The following FSTL4 variants were observed in gnomAD, a reference collection of about 807,000 sequenced individuals.
FSTL4 encodes follistatin-related protein 4.
A neutral mutation model predicts 78.2 loss-of-function variants in FSTL4; 28 were observed. The ratio of observed to expected loss-of-function variants is 0.36; its 90% confidence interval spans 0.27 to 0.49. The LOEUF (loss-of-function observed/expected upper bound fraction) is 0.49, where lower values mean the gene tolerates loss of function less well. Among genes scored for constraint, FSTL4 ranks in the 20% least tolerant of loss-of-function variants. FSTL4 has a pLI of 0.98. For missense variants in FSTL4, 922 were observed against 1,084.9 expected (o/e 0.85, Z 2.11); for synonymous variants, 422 against 440.5 (o/e 0.96, Z 0.53).
chr5:133,641,514 T>C, the FSTL4 span, among the ~76,000 whole-genome samples: 1 of 151,776 alleles, frequency 6.6e-6, no homozygotes, highest in African/African-American at 2.4e-5. Context: ...TATGTTAGAT[T>C]TCAAATACCC....
intron 3 of FSTL4, among the ~76,000 whole-genome samples, chr5:133,510,806 T>A (rs1174145396): frequency 6.6e-6 from 1 of 151,938 alleles, no homozygotes; most frequent in Non-Finnish European, 1.5e-5. Flanking sequence ...GCAAAATGGA[T>A]CTGAGCGCAA....
the FSTL4 span, among the ~76,000 whole-genome samples, chr5:133,803,349 T>C: frequency 2.0e-5 from 3 of 152,166 alleles, no homozygotes; most frequent in East Asian, 3.9e-4. Context: ...ATAGTCTGCA[T>C]GTAAGAGCTG....
At chr5:133,792,949 G>A in the FSTL4 span, among the ~76,000 whole-genome samples, 2 of 152,354 alleles carry the variant, frequency 1.3e-5, no homozygotes, top group Admixed American at 6.5e-5. Flanking sequence ...GGGGAAAAGG[G>A]CGTTCAGAAT....
In FSTL4 at chr5:133,287,626, T is replaced by C. The variant is rs559401483; in HGVS notation, c.727+25028A>G. ...TCTGCTTCTCCCCTGCCCAGAGCTTTGGATGGCTGTTCTTGGCCTCTCATT... is the reference window on the plus strand; with the variant it reads ...TCTGCTTCTCCCCTGCCCAGAGCTTCGGATGGCTGTTCTTGGCCTCTCATT... On this transcript the variant is annotated intron_variant, in intron 6 of 15. Coordinates refer to ENST00000265342, the MANE Select transcript of FSTL4 (RefSeq NM_015082.2). 2.6e-5 allele frequency among the ~76,000 whole-genome samples: 4 copies of C among 152,282 alleles called. No homozygotes were observed. The Middle Eastern group carries it at 0.01, about 388-fold the overall frequency.
chr5:133,394,543 C>T (rs566434710), intron 4 of FSTL4, among the ~76,000 whole-genome samples: 21 of 152,342 alleles, frequency 1.4e-4, no homozygotes, highest in African/African-American at 5.1e-4. Context: ...CAGTGCCGGC[C>T]CACCGGGCTG....
chr5:133,280,007 C>CAAGGG (rs2126857734), intron 6 of FSTL4, among the ~76,000 whole-genome samples: 1 of 152,310 alleles, frequency 6.6e-6, no homozygotes, highest in African/African-American at 2.4e-5. Flanking sequence ...GTGGAAGAGG[C>CAAGGG]AAGGGCCTGG....
At chr5:133,547,539 G>A (rs1320057965) in intron 3 of FSTL4, among the ~76,000 whole-genome samples, 1 of 152,174 alleles carries the variant, frequency 6.6e-6, no homozygotes, top group East Asian at 1.9e-4. Context: ...GGAGATGGGG[G>A]CTTTAAGAGG....
chr5:133,695,855 T>C, the FSTL4 span, among the ~76,000 whole-genome samples: 1 of 152,174 alleles, frequency 6.6e-6, no homozygotes, highest in Admixed American at 6.5e-5. Flanking sequence ...GTGACCTCCA[T>C]GGAGGCCAGC....
chr5:133,423,204 G>C (rs1756737177), intron 3 of FSTL4, among the ~76,000 whole-genome samples: 1 of 152,240 alleles, frequency 6.6e-6, no homozygotes, highest in Non-Finnish European at 1.5e-5. Context: ...TTGTTTCCTG[G>C]CCCCTTTTGA....
At chr5:133,539,621 T>G (rs966056399) in intron 3 of FSTL4, among the ~76,000 whole-genome samples, 3 of 152,142 alleles carry the variant, frequency 2.0e-5, no homozygotes, top group African/African-American at 7.2e-5. Flanking sequence ...GTCCCTTGAT[T>G]AGGGCTCCGG....
chr5:133,403,324 T>C (rs563072222), intron 3 of FSTL4, among the ~76,000 whole-genome samples: 1 of 152,284 alleles, frequency 6.6e-6, no homozygotes, highest in East Asian at 1.9e-4. Flanking sequence ...GCTTTCTCCC[T>C]CTGGCTAAAC....
intron 6 of FSTL4, among the ~76,000 whole-genome samples, chr5:133,291,358 C>T (rs1205606078): frequency 3.3e-5 from 5 of 152,204 alleles, no homozygotes; most frequent in African/African-American, 7.2e-5. Context: ...AGCAGCGCAC[C>T]TGAGTGTCTC....
At chr5:133,635,935 T>C in the FSTL4 span, among the ~76,000 whole-genome samples, 1 of 152,258 alleles carries the variant, frequency 6.6e-6, no homozygotes, top group African/African-American at 2.4e-5. Flanking sequence ...CGAATGACCA[T>C]GAGTATGAGA....
chr5:133,396,991 T>C (rs1043028318), intron 4 of FSTL4, among the ~76,000 whole-genome samples: 2 of 152,176 alleles, frequency 1.3e-5, no homozygotes, highest in Non-Finnish European at 2.9e-5. Context: ...ACAGAACCTC[T>C]AACAGTCCCC....
At chr5:133,718,615 A>C in the FSTL4 span, among the ~76,000 whole-genome samples, 1 of 152,224 alleles carries the variant, frequency 6.6e-6, no homozygotes, top group Non-Finnish European at 1.5e-5. Context: ...TAATTACCTG[A>C]CAGGGAGAAG....
intron 14 of FSTL4, among the ~76,000 whole-genome samples, chr5:133,205,954 A>ATGTT (rs1561617407): frequency 2.0e-5 from 3 of 152,200 alleles, no homozygotes; most frequent in East Asian, 1.9e-4. Flanking sequence ...CCCACAAAAC[A>ATGTT]TGTTTGAGTT....
chr5:133,538,835 G>A (rs944770009), intron 3 of FSTL4, among the ~76,000 whole-genome samples: 23 of 152,122 alleles, frequency 1.5e-4, no homozygotes, highest in Non-Finnish European at 2.4e-4. Flanking sequence ...TCTGGCTCTG[G>A]GTCCCTCATG....
chr5:133,355,582 G>A (rs911392408), intron 4 of FSTL4, among the ~76,000 whole-genome samples: 2 of 152,196 alleles, frequency 1.3e-5, no homozygotes, highest in East Asian at 1.9e-4. Flanking sequence ...CTTGAACCTG[G>A]GAGGCGGAGG....
At chr5:133,582,219 T>C (rs13176808) in intron 2 of FSTL4, among the ~76,000 whole-genome samples, 33,190 of 152,056 alleles carry the variant, frequency 0.22, 4,040 homozygotes, top group East Asian at 0.29. Flanking sequence ...AGAAGCCTCC[T>C]GGTGACATGG....
Sources: gnomAD v4.1 joint callset for allele counts (sites outside exome capture counted in the v4.1 genomes callset) on GRCh38, gnomAD v4.1.1 for gene constraint, MANE v1.5 for transcripts, NCBI Gene and HGNC (gene_info 2026-07-23, HGNC 2026-07-21) for gene names.